The following TTC6 variants were observed in gnomAD, a reference collection of about 807,000 sequenced individuals.
The protein encoded by TTC6 is tetratricopeptide repeat domain 6.
In TTC6, 172 loss-of-function variants were observed where a neutral mutation model predicts 210.4. The ratio of observed to expected loss-of-function variants is 0.82; its 90% CI spans 0.72 to 0.93. The LOEUF (loss-of-function observed/expected upper bound fraction) is 0.93, where lower values mean the gene tolerates loss of function less well. TTC6 is among the 40% of genes least tolerant of loss of function. The pLI is 0.00. For synonymous variants in TTC6, 804 were observed against 819.6 expected (o/e 0.98, Z 0.32); for missense variants, 2,414 against 2,318.1 (o/e 1.04, Z -0.85).
chr14:37,811,053 C>G (rs1021480881), intron 24 of TTC6, among the ~76,000 whole-genome samples: 1 of 152,184 alleles, frequency 6.6e-6, no homozygotes, highest in Non-Finnish European at 1.5e-5. Context: ...AGGCATGGCA[C>G]AAATCCAGGA....
At chr14:37,722,260 C>G (rs562255309) in intron 6 of TTC6, among the ~76,000 whole-genome samples, 1 of 152,184 alleles carries the variant, frequency 6.6e-6, no homozygotes, top group African/African-American at 2.4e-5. Flanking sequence ...CAGCCATTGT[C>G]CTTTCAAGTT....
intron 1 of TTC6, among the ~76,000 whole-genome samples, chr14:37,603,087 T>C (rs2095618771): frequency 6.6e-6 from 1 of 152,154 alleles, no homozygotes; most frequent in South Asian, 2.1e-4. Flanking sequence ...AATAAACCAC[T>C]GTCCCAAGAG....
chr14:37,755,726 A>T (rs1414480149), intron 14 of TTC6, among the ~76,000 whole-genome samples: 1 of 152,116 alleles, frequency 6.6e-6, no homozygotes, highest in African/African-American at 2.4e-5. Context: ...CTGTTTTGAT[A>T]CCAGAACCAT....
chr14:37,655,637 C>T (rs574395118), intron 1 of TTC6, among the ~76,000 whole-genome samples: 22 of 152,292 alleles, frequency 1.4e-4, no homozygotes, highest in Non-Finnish European at 2.4e-4. Context: ...CTCAGCATGA[C>T]TCAGCAGCAT....
At chr14:37,819,603 C>G (rs1375376985) in intron 26 of TTC6, among the ~76,000 whole-genome samples, 1 of 152,120 alleles carries the variant, frequency 6.6e-6, no homozygotes, top group Non-Finnish European at 1.5e-5. Context: ...ATGCCACTTT[C>G]ATATTTCAAA....
chr14:37,646,463 T>G (rs1009444816), intron 1 of TTC6, among the ~76,000 whole-genome samples: 1 of 152,034 alleles, frequency 6.6e-6, no homozygotes, highest in Admixed American at 6.6e-5. Flanking sequence ...GACTATAGGA[T>G]GGATAGGAAA....
chr14:37,657,212 CAAAAAAAAAAAAAAA>C (rs61052302), intron 1 of TTC6, among the ~76,000 whole-genome samples: 1 of 35,622 alleles, frequency 2.8e-5, no homozygotes, highest in Non-Finnish European at 5.3e-5. Context: ...AACTCTGTCT[CAAAAAAAAAAAAAAA>C]AAAAAAAAAA....
intron 10 of TTC6, among the ~76,000 whole-genome samples, chr14:37,740,981 G>A (rs748692618): frequency 2.6e-5 from 4 of 152,062 alleles, no homozygotes; most frequent in Non-Finnish European, 5.9e-5. Flanking sequence ...TTATCATTCT[G>A]AATATTATAA....
intron 1 of TTC6, among the ~76,000 whole-genome samples, chr14:37,677,480 T>C (rs1038027461): frequency 3.3e-5 from 5 of 152,116 alleles, no homozygotes; most frequent in African/African-American, 4.8e-5. Context: ...TGTAATCATA[T>C]TCATTTGCAA....
At chr14:37,773,199 T>C (rs1417096438) in intron 14 of TTC6, among the ~76,000 whole-genome samples, 1 of 152,206 alleles carries the variant, frequency 6.6e-6, no homozygotes. Flanking sequence ...GCAAATACTT[T>C]CTCCCATTCA....
intron 10 of TTC6, among the ~76,000 whole-genome samples, chr14:37,746,114 G>T (rs749378486): frequency 1.1e-4 from 16 of 152,070 alleles, no homozygotes; most frequent in Non-Finnish European, 1.8e-4. Flanking sequence ...TGCTTATTGT[G>T]GTCATTGTAT....
intron 14 of TTC6, among the ~76,000 whole-genome samples, chr14:37,763,702 T>C (rs1022556176): frequency 1.3e-5 from 2 of 152,098 alleles, no homozygotes; most frequent in African/African-American, 4.8e-5. Flanking sequence ...CTTTTCTTCT[T>C]AGTCGGTCTA....
intron 1 of TTC6, among the ~76,000 whole-genome samples, chr14:37,671,875 T>C (rs1461859271): frequency 1.3e-5 from 2 of 152,116 alleles, no homozygotes; most frequent in Non-Finnish European, 1.5e-5. Context: ...TTATCAATGG[T>C]ATTTTTTCCT....
At chr14:37,753,261 T>A in intron 14 of TTC6, 26 bp downstream of exon 16, 1 of 1,487,140 alleles carries the variant, frequency 6.7e-7, no homozygotes, top group Non-Finnish European at 9.0e-7. Context: ...GATGTCGTTT[T>A]AAAATTATTA....
intron 26 of TTC6, 48 bp from the exon 29 acceptor site, chr14:37,823,699 G>A (rs769440835): frequency 1.4e-5 from 21 of 1,502,598 alleles, no homozygotes; most frequent in Non-Finnish European, 1.8e-5. Flanking sequence ...TATGTCACCA[G>A]AATGCATCAG....
At chr14:37,601,157 C>T (rs1288480386) in intron 1 of TTC6, among the ~76,000 whole-genome samples, 2 of 152,230 alleles carry the variant, frequency 1.3e-5, no homozygotes, top group Non-Finnish European at 2.9e-5. Context: ...AGAGCAGCCT[C>T]CTGGAGTCCC....
At chr14:37,833,226 G>A (rs1242682943) in intron 29 of TTC6, among the ~76,000 whole-genome samples, 2 of 151,974 alleles carry the variant, frequency 1.3e-5, no homozygotes, top group Non-Finnish European at 2.9e-5. Flanking sequence ...CCCAAATATT[G>A]TTTTATTATT....
At chr14:37,623,587 G>T (rs935257252) in intron 1 of TTC6, among the ~76,000 whole-genome samples, 2 of 152,056 alleles carry the variant, frequency 1.3e-5, no homozygotes, top group African/African-American at 4.8e-5. Flanking sequence ...ATGCATTTTT[G>T]TCCCCATGAC....
intron 5 of TTC6, among the ~76,000 whole-genome samples, chr14:37,711,392 C>T (rs937792741): frequency 2.0e-5 from 3 of 152,112 alleles, no homozygotes; most frequent in Non-Finnish European, 1.5e-5. Context: ...ACCAGGGAGT[C>T]AGACATGAAT....
Sources: allele counts gnomAD v4.1 joint callset (sites outside exome capture counted in the v4.1 genomes callset), GRCh38; gene constraint gnomAD v4.1.1; transcripts MANE v1.5; gene names NCBI Gene and HGNC (gene_info 2026-07-23, HGNC 2026-07-21).